The following CERCAM variants were observed in gnomAD, a reference collection of about 807,000 sequenced individuals.
CERCAM encodes the protein cerebral endothelial cell adhesion molecule.
A neutral mutation model predicts 66.0 loss-of-function variants in CERCAM; 59 were observed. That is an observed-to-expected ratio of 0.89 (90% CI 0.73 to 1.11). The LOEUF (loss-of-function observed/expected upper bound fraction) is 1.11, where lower values mean the gene tolerates loss of function less well. CERCAM is among the 50% of genes most tolerant of loss of function. The pLI, the probability that CERCAM is intolerant of heterozygous loss-of-function variation, is 0.00. For missense variants in CERCAM, 840 were observed against 828.3 expected (o/e 1.01, Z -0.17); for synonymous variants, 318 against 343.6 (o/e 0.93, Z 0.83).
chr9:128,421,015 GC>G lies in CERCAM; in HGVS notation c.142del (p.His48ThrfsTer75). On this transcript the variant is annotated frameshift_variant, in exon 1 of 13. Coordinates refer to ENST00000372838, the MANE Select transcript of CERCAM (RefSeq NM_016174.5). LOFTEE classifies it high-confidence loss of function. ...TGGCCCGCAATGCCGAACACTCGCTGCCCCACTACCTGGGCGCTCTGGAGCG... is the reference window on the plus strand; with the variant it reads ...TGGCCCGCAATGCCGAACACTCGCTGCCCACTACCTGGGCGCTCTGGAGCG... ...ILARNAEHSL[P>X]HYLGALERLD... 1 of 1,455,524 alleles carries G rather than the reference GC, an allele frequency of 6.9e-7. No homozygotes were observed. 90.2% of individuals were successfully genotyped at this position (1,455,524 alleles called of 1,614,324 possible).
In CERCAM at chr9:128,428,556, C is replaced by G. The variant is rs946361769; in HGVS notation, c.886+135C>G. 3.2e-4 allele frequency: 397 copies of G among 1,231,674 alleles called. 2 individuals are homozygous for G. In the East Asian group the frequency reaches 9.8e-3, roughly 30 times the overall value. 76.3% of individuals were successfully genotyped at this position (1,231,674 alleles called of 1,614,324 possible). On this transcript the variant is annotated intron_variant, in intron 6 of 12. Transcript: ENST00000372838. ...GCTTTGTCCCTAACTCGTTCCATGACTCTGAGAAAGTCCCTTTCCCTGTTG... is the reference window on the plus strand; with the variant it reads ...GCTTTGTCCCTAACTCGTTCCATGAGTCTGAGAAAGTCCCTTTCCCTGTTG...
intron 5 of CERCAM, among the ~76,000 whole-genome samples, chr9:128,426,041 G>C (rs1429458856): frequency 2.0e-5 from 3 of 151,720 alleles, no homozygotes; most frequent in Non-Finnish European, 1.5e-5. Flanking sequence ...CTGGGCTCAA[G>C]TGATCTGCCC....
chr9:128,421,174 C>T, intron 1 of CERCAM, 100 bp downstream of exon 1: 2 of 1,254,284 alleles, frequency 1.6e-6, no homozygotes, highest in Non-Finnish European at 2.0e-6. Context: ...CCTGCCCAGA[C>T]ACCACCTAGA....
intron 8 of CERCAM, among the ~76,000 whole-genome samples, chr9:128,429,642 C>A (rs558709586): frequency 6.6e-6 from 1 of 151,736 alleles, no homozygotes; most frequent in African/African-American, 2.4e-5. Flanking sequence ...GTCTGTTGCC[C>A]TCCGTCTGTT....
At chr9:128,421,164 C>T in intron 1 of CERCAM, 90 bp downstream of exon 1, 2 of 1,255,282 alleles carry the variant, frequency 1.6e-6, no homozygotes, top group Non-Finnish European at 2.0e-6. Flanking sequence ...CTGCTCGCTC[C>T]CTGCCCAGAC....
chr9:128,424,012 C>CCT, intron 3 of CERCAM, 126 bp from the exon 4 acceptor site: 1 of 1,047,698 alleles, frequency 9.5e-7, no homozygotes, highest in Non-Finnish European at 1.4e-6. Flanking sequence ...GTTTGTGAGA[C>CCT]CTCTGTAAGA....
Position 128,424,283 on chromosome 9 carries a change from G to T in CERCAM, c.561+11G>T. On this transcript the variant is annotated intron_variant, in intron 4 of 12. Coordinates refer to ENST00000372838, the MANE Select transcript of CERCAM (RefSeq NM_016174.5). ...GGGATCACCCCCCAGGTGAGGCCGG[G>T]ATGGGGGCCTTGGGTGGACTGAGGT... 6.2e-7 allele frequency: 1 copy of T among 1,613,884 alleles called. No individual in the cohort carries two copies. Among genetic ancestry groups the T allele is most frequent in the Non-Finnish European group, 8.5e-7 (1 of 1,179,902 alleles).
At chr9:128,431,397 A>C in intron 9 of CERCAM, 94 bp downstream of exon 9, 1 of 1,508,248 alleles carries the variant, frequency 6.6e-7, no homozygotes, top group Non-Finnish European at 9.0e-7. Flanking sequence ...GTGAATGAAG[A>C]CATTCATCAA....
Position 128,437,256 on chromosome 9 carries a change from C to G in CERCAM, c.*408C>G, listed in dbSNP as rs531274416. On this transcript the variant is annotated 3_prime_UTR_variant, in exon 13 of 13. Coordinates refer to ENST00000372838, the MANE Select transcript of CERCAM (RefSeq NM_016174.5). ...TCTCCCCAGCACCCTCCTCCCTGGCCGGTGCAAAGTACAGGGAGGTAAAGC... is the reference window on the plus strand; with the variant it reads ...TCTCCCCAGCACCCTCCTCCCTGGCGGGTGCAAAGTACAGGGAGGTAAAGC... 6.6e-6 allele frequency: 1 copy of G among 151,994 alleles called. No individual in the cohort carries two copies. The highest frequency in any genetic ancestry group is 1.9e-4 in the East Asian group (1 of 5,142). The allele number at this position is 151,994 out of a possible 1,614,324, so 9.4% of individuals were successfully genotyped here.
chr9:128,420,338 G>A (rs1379279356), upstream of CERCAM: 3 of 152,192 alleles, frequency 2.0e-5, no homozygotes, highest in Non-Finnish European at 2.9e-5. The surrounding 1 kb of genome is among the most constrained non-coding windows in gnomAD (Gnocchi z 5.0). Context: ...GGCCCGGCTG[G>A]TCTGCGGAGC....
chr9:128,435,865 G>A lies in CERCAM; in HGVS notation c.1748G>A (p.Ser583Asn), dbSNP rs1431092206. Residue 583 changes from serine to asparagine, a missense_variant, in exon 12 of 13, where the codon AGC becomes AAC. Physicochemically the swap from Ser to Asn is conservative, Grantham distance 46. Transcript: ENST00000372838. ...RSPRLDLTGS[S>N]GHSLQPQPRD... is the part of the protein sequence containing the mutation. ...CCCCGCCTGGACCTGACTGGCAGCA[G>A]CGGGCACAGCCTCCAACCCCAGCCC... 6.2e-7 allele frequency: 1 copy of A among 1,608,482 alleles called. No homozygotes were observed. The highest frequency in any genetic ancestry group is 1.3e-5 in the African/African-American group (1 of 74,890).
At chr9:128,419,901 CG>C (rs1243459831), upstream of CERCAM, 1 of 151,674 alleles carries the variant, frequency 6.6e-6, no homozygotes, top group East Asian at 1.9e-4. Flanking sequence ...GACGGAGTCT[CG>C]GTCTGTCATC....
rs1834127720 is a variant in CERCAM, at chr9:128,437,020, G to A, written c.*172G>A. 1 of 152,348 alleles carries A rather than the reference G, an allele frequency of 6.6e-6. No individual in the cohort carries two copies. Among genetic ancestry groups the A allele is most frequent in the Non-Finnish European group, 1.5e-5 (1 of 68,156 alleles). 9.4% of individuals were successfully genotyped at this position (152,348 alleles called of 1,614,324 possible). A position where few individuals can be genotyped will look rare whatever the true frequency, so the allele number is the denominator to read the frequency against. ...TCATCGGGAGAAACCACTCAGAGATGGATCCCATTCCCTAAAGGTCTCACA... is the reference window on the plus strand; with the variant it reads ...TCATCGGGAGAAACCACTCAGAGATAGATCCCATTCCCTAAAGGTCTCACA... On this transcript the variant is annotated 3_prime_UTR_variant, in exon 13 of 13. Transcript: ENST00000372838.
chr9:128,437,347 ATATATATATGTATG>A (rs1834134071), downstream of CERCAM: 1 of 112,988 alleles, frequency 8.9e-6, no homozygotes, highest in African/African-American at 5.0e-5. Context: ...TGCACTTTAA[ATATATATATGTATG>A]TATATATATG....
intron 1 of CERCAM, 192 bp downstream of exon 1, chr9:128,421,266 C>G (rs1237198025): frequency 8.1e-7 from 1 of 1,233,168 alleles, no homozygotes; most frequent in Admixed American, 4.2e-5. Context: ...GACGACAGAC[C>G]TCTGAGGCCA....
upstream of CERCAM, chr9:128,419,201 C>T (rs1833655900): frequency 6.6e-6 from 1 of 152,404 alleles, no homozygotes; most frequent in East Asian, 1.9e-4. Context: ...AGCTGCCACC[C>T]GATCCTGGTG....
chr9:128,424,425 A>G lies in CERCAM; in HGVS notation c.577A>G (p.Thr193Ala), dbSNP rs1343774445. 1.9e-6 allele frequency: 3 copies of G among 1,613,724 alleles called. No homozygotes were observed. In the African/African-American group the frequency reaches 4.0e-5, roughly 22 times the overall value. The change falls in exon 5 of 13, where the codon ACA (threonine) becomes GCA (alanine). Residue 193 changes from threonine to alanine, a missense_variant. Transcript: ENST00000372838. Reference protein sequence around the residue: ...GITPQGYYRRTAEYFPTKNRQ... With the variant: ...GITPQGYYRRAAEYFPTKNRQ... ...TTTTCCCCAGGGCTACTACCGCCGC[A>G]CAGCCGAGTACTTCCCCACCAAGAA... is the stretch of plus-strand genomic sequence containing the variant.
At chr9:128,426,352 C>T (rs1202374152) in intron 5 of CERCAM, among the ~76,000 whole-genome samples, 9 of 151,736 alleles carry the variant, frequency 5.9e-5, no homozygotes, top group Middle Eastern at 3.4e-3. Context: ...TGGCCAGGTG[C>T]GGTGGCTCAC....
chr9:128,428,571 T>G, intron 6 of CERCAM, 150 bp downstream of exon 6: 2 of 1,191,276 alleles, frequency 1.7e-6, no homozygotes, highest in Non-Finnish European at 2.4e-6. Context: ...AGAAAGTCCC[T>G]TTCCCTGTTG....
Sources: gnomAD v4.1 joint callset for allele counts (sites outside exome capture counted in the v4.1 genomes callset) on GRCh38, gnomAD v4.1.1 for gene constraint, Gnocchi (gnomAD v3.1) non-coding constraint, MANE v1.5 for transcripts, NCBI Gene and HGNC (gene_info 2026-07-23, HGNC 2026-07-21) for gene names.